The following NOL8 variants were observed in gnomAD, a reference collection of about 807,000 sequenced individuals.
NOL8 encodes nucleolar protein 8, also known as nucleolar protein Nop132.
NOL8 carries 93 observed loss-of-function variants against 116.1 expected under a neutral mutation model. That is an observed-to-expected ratio of 0.80 (90% CI 0.68 to 0.95). The LOEUF is 0.95. Ranked by LOEUF, NOL8 falls within the 40% of genes least tolerant of loss-of-function variation. The probability of loss-of-function intolerance (pLI) is 0.00; values close to 1 mark genes in which losing one functional copy is unlikely to be tolerated. For synonymous variants in NOL8, 419 were observed against 469.0 expected (o/e 0.89, Z 1.38); for missense variants, 1,291 against 1,382.8 (o/e 0.93, Z 1.05).
Position 92,314,305 on chromosome 9 carries a change from C to G in NOL8, c.2320G>C (p.Val774Leu), listed in dbSNP as rs1423013281. 1 of 1,599,340 alleles carries G rather than the reference C, an allele frequency of 6.3e-7. No homozygotes were observed. The highest frequency in any genetic ancestry group is 8.5e-7 in the Non-Finnish European group (1 of 1,170,292). Residue 774 changes from valine (V) to leucine (L), a missense_variant, in exon 7 of 17, where the codon GTG (valine) becomes CTG (leucine). Transcript: ENST00000442668. ...GCATTATGCACCAGCTTCTTCTGCACTTCTTTTGCTTTTTGCCTCGCTTCC... is the reference window on the plus strand; with the variant it reads ...GCATTATGCACCAGCTTCTTCTGCAGTTCTTTTGCTTTTTGCCTCGCTTCC... ...ALEARQKAKE[V>L]QKKLVHNALA...
At chr9:92,307,654 CTCTT>C (rs1191519996) in intron 10 of NOL8, among the ~76,000 whole-genome samples, 2 of 152,196 alleles carry the variant, frequency 1.3e-5, no homozygotes, top group African/African-American at 4.8e-5. Flanking sequence ...GCCTGTATGA[CTCTT>C]TCAACTTACT....
At position 92,314,951 on chromosome 9, in the gene NOL8, T is replaced by C; in HGVS notation, c.1674A>G (p.Lys558=). The change falls in exon 7 of 17, where the codon AAA becomes AAG. Residue 558 remains lysine, a synonymous_variant. Transcript: ENST00000442668. Reference sequence around the variant, plus strand: ...TTAAATTGTTTTCCTTTGGTTTCTGTTTGCCACAGGTGTTCTCCTCTCCTT... The same window carrying C: ...TTAAATTGTTTTCCTTTGGTTTCTGCTTGCCACAGGTGTTCTCCTCTCCTT... The part of the protein sequence containing the change: ...LLEGEENTCG[K]QKPKENNLKP... 6.2e-7 allele frequency: 1 copy of C among 1,613,984 alleles called. No individual in the cohort carries two copies. Among genetic ancestry groups the C allele is most frequent in the Non-Finnish European group, 8.5e-7 (1 of 1,179,890 alleles).
At chr9:92,313,354 A>G (rs928005594) in intron 7 of NOL8, among the ~76,000 whole-genome samples, 20 of 152,314 alleles carry the variant, frequency 1.3e-4, no homozygotes, top group African/African-American at 3.8e-4. Context: ...TTTTCTGTAA[A>G]AGGCCAGAGT....
intron 10 of NOL8, among the ~76,000 whole-genome samples, chr9:92,309,288 C>A (rs917505152): frequency 1.1e-4 from 16 of 152,156 alleles, no homozygotes; most frequent in African/African-American, 3.9e-4. Flanking sequence ...TTTACTTTTT[C>A]ACTTCAAATT....
intron 11 of NOL8, 34 bp from the exon 12 acceptor site, chr9:92,305,864 T>C (rs768853946): frequency 2.1e-6 from 3 of 1,442,104 alleles, no homozygotes; most frequent in Non-Finnish European, 2.9e-6. Flanking sequence ...TTGGAAGAGA[T>C]AAAAACAGAA....
At chr9:92,302,232 G>T (rs1837816216) in intron 12 of NOL8, among the ~76,000 whole-genome samples, 1 of 151,982 alleles carries the variant, frequency 6.6e-6, no homozygotes, top group African/African-American at 2.4e-5. Flanking sequence ...ACCAGTAACT[G>T]GTAAAATTGT....
Position 92,314,416 on chromosome 9 carries a change from C to A in NOL8, c.2209G>T (p.Asp737Tyr), listed in dbSNP as rs1348644223. Residue 737 changes from aspartate (D) to tyrosine (Y), a missense_variant, in exon 7 of 17, where the codon GAT (aspartate) becomes TAT (tyrosine). By Grantham distance (160) the Asp-to-Tyr change is radical. Transcript: ENST00000442668. ...GAATTACTAATAGAAAGTGAGAAATCAGTTTTGATTTCCCGAGTGTCCTTG... is the reference window on the plus strand; with the variant it reads ...GAATTACTAATAGAAAGTGAGAAATAAGTTTTGATTTCCCGAGTGTCCTTG... ...SSKDTREIKT[D>Y]FSLSISNSSD... The A allele has an allele frequency of 6.2e-7, 1 of 1,613,462 alleles. No individual in the cohort carries two copies. The highest frequency in any genetic ancestry group is 1.1e-5 in the South Asian group (1 of 91,052).
At chr9:92,299,659 G>C (rs1231276048) in intron 14 of NOL8, among the ~76,000 whole-genome samples, 1 of 152,050 alleles carries the variant, frequency 6.6e-6, no homozygotes, top group Non-Finnish European at 1.5e-5. Context: ...GGCTGGGACA[G>C]GAGAATTGCT....
intron 15 of NOL8, chr9:92,298,603 A>G (rs1444504084): frequency 4.3e-6 from 2 of 470,524 alleles, no homozygotes; most frequent in Non-Finnish European, 7.4e-6. Context: ...GAGTTTTCAC[A>G]TGGAATTTAT....
chr9:92,318,755 G>A (rs1349325239), intron 5 of NOL8, 69 bp from the exon 6 acceptor site: 4 of 1,010,402 alleles, frequency 4.0e-6, no homozygotes, highest in Non-Finnish European at 5.7e-6. Context: ...AACAATATTA[G>A]GTAAATACAA....
In NOL8 at chr9:92,316,097, C is replaced by T. The variant is rs1234626864; in HGVS notation, c.528G>A (p.Lys176=). Residue 176 remains lysine (K), a synonymous_variant, in exon 7 of 17, where the codon AAG becomes AAA. Transcript: ENST00000442668. ...TGTTTGAGAAATCCTCCCCTATCTT[C>T]TTCAGGTTGTGGCAGTATTTTGAGG... is the stretch of plus-strand genomic sequence containing the variant. ...YDPSKYCHNL[K]KIGEDFSNTI... is the part of the protein sequence containing the mutation. The T allele has an allele frequency of 6.2e-7, 1 of 1,613,934 alleles. No individual in the cohort carries two copies. Among genetic ancestry groups the T allele is most frequent in the Non-Finnish European group, 8.5e-7 (1 of 1,179,856 alleles).
intron 3 of NOL8, chr9:92,322,787 C>T (rs1242451233): frequency 6.6e-6 from 1 of 152,236 alleles, no homozygotes; most frequent in Non-Finnish European, 1.5e-5. Context: ...ACATTTATCA[C>T]ATATATTCCT....
rs928313624 is a variant in NOL8 at position 92,299,040 on chromosome 9, A to C, written c.3303-86T>G. ...TTAAGAAGAAATATTTACATTCAAA[A>C]CATAAATACACTATTTCTTAAATAT... On this transcript the variant is annotated intron_variant, in intron 14 of 16. Coordinates refer to ENST00000442668, the MANE Select transcript of NOL8 (RefSeq NM_017948.6). 1.9e-5 allele frequency: 11 copies of C among 587,086 alleles called. No homozygotes were observed. The African/African-American group carries it at 2.1e-4, about 11-fold the overall frequency. 36.4% of individuals were successfully genotyped at this position (587,086 alleles called of 1,614,324 possible). A position where few individuals can be genotyped will look rare whatever the true frequency, so the allele number is the denominator to read the frequency against.
At chr9:92,320,298 C>T in intron 4 of NOL8, 2 of 415,882 alleles carry the variant, frequency 4.8e-6, no homozygotes, top group South Asian at 1.8e-5. Context: ...CATATCCACG[C>T]AGATACTCCA....
chr9:92,299,912 C>T lies in NOL8; in HGVS notation c.3280G>A (p.Asp1094Asn), dbSNP rs373677071. ...TACCCAGGACTGGAGTTTCTGTGAT[C>T]TGTTTCTTCAGTAACATCTTCCTCT... Reference protein sequence around the residue: ...SEEEDVTEETDHRNSSPGEAS... With the variant: ...SEEEDVTEETNHRNSSPGEAS... Residue 1094 changes from aspartate to asparagine, a missense_variant, in exon 14 of 17, where the codon GAT becomes AAT. Physicochemically the swap from Asp to Asn is conservative, Grantham distance 23. Transcript: ENST00000442668. 6 of 1,613,382 alleles carry T rather than the reference C, an allele frequency of 3.7e-6. No individual in the cohort carries two copies. The African/African-American group carries it at 8.0e-5, about 22-fold the overall frequency.
chr9:92,320,607 T>C (rs1007572839), intron 4 of NOL8, among the ~76,000 whole-genome samples: 1 of 151,436 alleles, frequency 6.6e-6, no homozygotes, highest in African/African-American at 2.4e-5. Flanking sequence ...TTTTTTTTTT[T>C]CCTTTTTTTT....
intron 12 of NOL8, among the ~76,000 whole-genome samples, chr9:92,302,971 G>A (rs1258985493): frequency 1.3e-5 from 2 of 152,190 alleles, no homozygotes; most frequent in African/African-American, 4.8e-5. Flanking sequence ...TAGCAACACT[G>A]TCAACTGCAT....
chr9:92,314,834 A>G lies in NOL8; in HGVS notation c.1791T>C (p.Asn597=). The change falls in exon 7 of 17, where the codon AAT becomes AAC. Residue 597 remains asparagine, a synonymous_variant. Coordinates refer to ENST00000442668, the MANE Select transcript of NOL8 (RefSeq NM_017948.6). ...KSLKDSVASN[N]KDQNSMKHED... ...CATGTTTCATGGAATTCTGATCTTT[A>G]TTGTTAGAGGCAACACTGTCTTTCA... is the stretch of plus-strand genomic sequence containing the variant. 6.2e-7 allele frequency: 1 copy of G among 1,613,244 alleles called. No individual in the cohort carries two copies. Among genetic ancestry groups the G allele is most frequent in the Non-Finnish European group, 8.5e-7 (1 of 1,179,636 alleles).
intron 7 of NOL8, among the ~76,000 whole-genome samples, chr9:92,311,575 A>G (rs770068551): frequency 6.6e-5 from 10 of 152,184 alleles, no homozygotes; most frequent in Non-Finnish European, 1.0e-4. Flanking sequence ...AGACAAACAC[A>G]TGGCCAACAA....
Sources: allele counts gnomAD v4.1 joint callset (sites outside exome capture counted in the v4.1 genomes callset), GRCh38; gene constraint gnomAD v4.1.1; transcripts MANE v1.5; gene names NCBI Gene and HGNC (gene_info 2026-07-23, HGNC 2026-07-21).